CEP112: variants seen among roughly 807,000 people sequenced by gnomAD.
CEP112 encodes centrosomal protein of 112 kDa.
A neutral mutation model predicts 153.0 loss-of-function variants in CEP112; 127 were observed. The observed-to-expected ratio is 0.83, with a 90% CI of 0.72 to 0.96. The LOEUF is 0.96. Among genes scored for constraint, CEP112 ranks in the 40% least tolerant of loss-of-function variants. CEP112 has a pLI of 0.00. For synonymous variants in CEP112, 358 were observed against 374.4 expected (o/e 0.96, Z 0.51); for missense variants, 1,089 against 1,101.2 (o/e 0.99, Z 0.16).
At chr17:66,051,107 C>T (rs2066420291) in intron 12 of CEP112, among the ~76,000 whole-genome samples, 1 of 150,862 alleles carries the variant, frequency 6.6e-6, no homozygotes, top group Admixed American at 6.6e-5. Flanking sequence ...AGCCTCCCAA[C>T]TAACTGGGAC....
chr17:65,928,284 T>C (rs920551368), intron 18 of CEP112, among the ~76,000 whole-genome samples: 1 of 152,182 alleles, frequency 6.6e-6, no homozygotes, highest in Non-Finnish European at 1.5e-5. Flanking sequence ...GTAACAAGTA[T>C]TGGTAAAGAC....
chr17:65,640,154 A>ATTT (rs529025836), intron 25 of CEP112, among the ~76,000 whole-genome samples: 6 of 78,334 alleles, frequency 7.7e-5, no homozygotes, highest in African/African-American at 3.5e-4. Context: ...ATATATATAT[A>ATTT]TTTTTTTTTT....
intron 4 of CEP112, among the ~76,000 whole-genome samples, chr17:66,137,284 T>C (rs927070725): frequency 6.6e-6 from 1 of 152,124 alleles, no homozygotes; most frequent in Non-Finnish European, 1.5e-5. Flanking sequence ...TTTGAAATTA[T>C]ACATTCCACA....
intron 12 of CEP112, among the ~76,000 whole-genome samples, chr17:66,037,593 G>A (rs1235548030): frequency 9.0e-6 from 1 of 111,404 alleles, no homozygotes; most frequent in African/African-American, 3.6e-5. Context: ...ACTTCCATAG[G>A]ATGATTTTTC....
chr17:65,674,908 C>T (rs538233743), intron 24 of CEP112, among the ~76,000 whole-genome samples: 187 of 152,178 alleles, frequency 1.2e-3, no homozygotes, highest in African/African-American at 4.1e-3. Context: ...ATCATGGTTA[C>T]GAGACTTAGA....
chr17:65,879,354 T>G (rs988748316), intron 20 of CEP112, among the ~76,000 whole-genome samples: 1 of 152,156 alleles, frequency 6.6e-6, no homozygotes, highest in Non-Finnish European at 1.5e-5. Flanking sequence ...GGAAACATAC[T>G]TTTTTCCCCT....
At position 65,902,266 on chromosome 17, in the gene CEP112, C is replaced by T; in HGVS notation, c.2049G>A (p.Lys683=). Residue 683 remains lysine, a synonymous_variant, in exon 20 of 27, where the codon AAG becomes AAA. Transcript: ENST00000535342. ...GTTCATGGTCTCGGACTAGGCTATCCTTCTCTGCGTTATGCTGCTGTAATA... is the reference window on the plus strand; with the variant it reads ...GTTCATGGTCTCGGACTAGGCTATCTTTCTCTGCGTTATGCTGCTGTAATA... ...THLLQQHNAE[K]DSLVRDHERE... is the part of the protein sequence containing the mutation. The T allele has an allele frequency of 6.2e-7, 1 of 1,613,942 alleles. No individual in the cohort carries two copies.
rs181205829 is a variant in CEP112 at position 66,129,341 on chromosome 17, C to T, written c.642+405G>A. 4.3e-4 allele frequency among the ~76,000 whole-genome samples: 66 copies of T among 152,284 alleles called. 2 individuals carry two copies. In the East Asian group the frequency reaches 6.8e-3, roughly 16 times the overall value. On this transcript the variant is annotated intron_variant, in intron 6 of 26. Transcript: ENST00000535342. ...CCCTCAGCCTCTATAAACTGTTTTC[C>T]GTAAGAGCTGCTCATCCATGGGGTC... is the stretch of plus-strand genomic sequence containing the variant.
At chr17:65,662,703 A>C (rs1156470014) in intron 24 of CEP112, among the ~76,000 whole-genome samples, 2 of 152,214 alleles carry the variant, frequency 1.3e-5, no homozygotes, top group Non-Finnish European at 2.9e-5. Context: ...TTCAAATGGC[A>C]GAAAAAATTC....
chr17:66,069,379 A>G (rs532772943), intron 9 of CEP112, among the ~76,000 whole-genome samples: 1 of 150,786 alleles, frequency 6.6e-6, no homozygotes, highest in Admixed American at 6.6e-5. Context: ...AGCTAAGAAA[A>G]AAAAATAAGT....
intron 10 of CEP112, among the ~76,000 whole-genome samples, chr17:66,064,328 G>C (rs944867574): frequency 6.6e-6 from 1 of 152,050 alleles, no homozygotes; most frequent in Non-Finnish European, 1.5e-5. Context: ...TGAAGTTTAT[G>C]TTACTAAAAT....
chr17:66,013,365 G>A (rs2064623288), intron 16 of CEP112, among the ~76,000 whole-genome samples: 1 of 152,166 alleles, frequency 6.6e-6, no homozygotes, highest in Non-Finnish European at 1.5e-5. Context: ...AACCTTTGAA[G>A]TTGCTGTCCT....
rs555458849 is a variant in CEP112 at position 66,174,409 on chromosome 17, T to A, written c.470+635A>T. 1.1e-4 allele frequency among the ~76,000 whole-genome samples: 17 copies of A among 152,262 alleles called. No homozygotes were observed. The South Asian group carries it at 3.1e-3, about 28-fold the overall frequency. ...CAGAAACAGATTTCTAAAATTAAAA[T>A]TACCAAGAGAATGGTGAGGAAGGAA... is the stretch of plus-strand genomic sequence containing the variant. On this transcript the variant is annotated intron_variant, in intron 4 of 26. Transcript: ENST00000535342.
At chr17:65,963,411 C>A (rs1473718843) in intron 17 of CEP112, among the ~76,000 whole-genome samples, 3 of 152,096 alleles carry the variant, frequency 2.0e-5, no homozygotes, top group Admixed American at 2.0e-4. Context: ...CCAGGTTACT[C>A]ATCTGAGTTT....
At chr17:65,915,141 T>C (rs1409210691) in intron 19 of CEP112, among the ~76,000 whole-genome samples, 1 of 152,190 alleles carries the variant, frequency 6.6e-6, no homozygotes, top group African/African-American at 2.4e-5. Context: ...CTTCCTCATA[T>C]GTAAGTGTTG....
intron 4 of CEP112, among the ~76,000 whole-genome samples, chr17:66,151,719 C>T (rs1166427538): frequency 6.6e-6 from 1 of 152,070 alleles, no homozygotes. Context: ...GACTGACGCC[C>T]TCAGAGCAAT....
chr17:66,114,008 A>G (rs2069172285), intron 6 of CEP112, among the ~76,000 whole-genome samples: 1 of 152,156 alleles, frequency 6.6e-6, no homozygotes, highest in Admixed American at 6.5e-5. Flanking sequence ...CTCTCATACT[A>G]CCTCAAAAAA....
At chr17:65,847,240 C>G (rs2057763078) in intron 21 of CEP112, among the ~76,000 whole-genome samples, 2 of 152,132 alleles carry the variant, frequency 1.3e-5, no homozygotes. Context: ...TCAAACCTCC[C>G]TTCTAAATTC....
At chr17:65,808,652 C>T (rs1198805365) in intron 21 of CEP112, among the ~76,000 whole-genome samples, 1 of 151,354 alleles carries the variant, frequency 6.6e-6, no homozygotes, top group Non-Finnish European at 1.5e-5. Flanking sequence ...CTTCCCCCTT[C>T]TCTCTCTCTC....
Sources: gnomAD v4.1 joint callset for allele counts (sites outside exome capture counted in the v4.1 genomes callset) on GRCh38, gnomAD v4.1.1 for gene constraint, MANE v1.5 for transcripts, NCBI Gene and HGNC (gene_info 2026-07-23, HGNC 2026-07-21) for gene names.